Variants in NEMP2 observed in about 807,000 individuals in gnomAD.
The protein encoded by NEMP2 is nuclear envelope integral membrane protein 2.
NEMP2 carries 53 observed loss-of-function variants against 54.2 expected under a neutral mutation model. The observed-to-expected ratio is 0.98, with a 90% CI of 0.78 to 1.23. The LOEUF is 1.23. Among genes scored for constraint, NEMP2 ranks in the 50% most tolerant of loss-of-function variants. The probability of loss-of-function intolerance (pLI) is 0.00; values close to 1 mark genes in which losing one functional copy is unlikely to be tolerated. For synonymous variants in NEMP2, 197 were observed against 190.3 expected, an observed-to-expected ratio of 1.04 and a Z score of -0.29; for missense variants, 455 against 511.3, an observed-to-expected ratio of 0.89 and a Z score of 1.06.
At chr2:190,511,235 T>C (rs1164050586) in intron 7 of NEMP2, among the ~76,000 whole-genome samples, 1 of 152,184 alleles carries the variant, frequency 6.6e-6, no homozygotes, top group Non-Finnish European at 1.5e-5. Flanking sequence ...TGTCCTTTTA[T>C]GCAGACCCTC....
At chr2:190,534,118 T>C in intron 1 of NEMP2, 2 of 988,866 alleles carry the variant, frequency 2.0e-6, no homozygotes, top group Non-Finnish European at 2.4e-6. Context: ...CCTTCTCTAG[T>C]CTTGAGACCA....
chr2:190,497,459 A>G, the NEMP2 span: 2 of 1,613,914 alleles, frequency 1.2e-6, no homozygotes, highest in East Asian at 2.2e-5. The surrounding 1 kb of genome is among the most constrained non-coding windows in gnomAD (Gnocchi z 5.2). Flanking sequence ...GTTGGCAGAA[A>G]GAATTCCTGT....
rs1691062459 is a variant in NEMP2 at position 190,529,396 on chromosome 2, A to G, written c.98-4018T>C. 6.6e-6 allele frequency among the ~76,000 whole-genome samples: 1 copy of G among 151,986 alleles called. No homozygotes were observed. ...CCTCAAGATGCCAGCGAGCCCCCAC[A>G]TAAAGTTTCCTCAGTCTGCTGCAAC... On this transcript the variant is annotated intron_variant, in intron 1 of 8. Transcript: ENST00000409150. This position sits in a 1 kb window ranked among gnomAD's most constrained non-coding sequence, Gnocchi z 4.7.
the NEMP2 span, among the ~76,000 whole-genome samples, chr2:190,474,376 A>C: frequency 6.6e-6 from 1 of 152,232 alleles, no homozygotes; most frequent in African/African-American, 2.4e-5. Flanking sequence ...AAAAATGATA[A>C]AGGGGATATC....
At chr2:190,550,417 C>T in the NEMP2 span, among the ~76,000 whole-genome samples, 1 of 152,124 alleles carries the variant, frequency 6.6e-6, no homozygotes, top group African/African-American at 2.4e-5. The surrounding 1 kb of genome is among the most constrained non-coding windows in gnomAD (Gnocchi z 4.7). Context: ...CCGACAAGGC[C>T]CTACCTCCTA....
chr2:190,464,865 T>C, the NEMP2 span: 1 of 971,012 alleles, frequency 1.0e-6, no homozygotes, highest in African/African-American at 1.8e-5. Flanking sequence ...TAAATGTTTA[T>C]TGAGCAAAAT....
At chr2:190,593,843 T>C in the NEMP2 span, among the ~76,000 whole-genome samples, 1 of 152,248 alleles carries the variant, frequency 6.6e-6, no homozygotes, top group African/African-American at 2.4e-5. The surrounding 1 kb of genome is among the most constrained non-coding windows in gnomAD (Gnocchi z 4.5). Flanking sequence ...CCTTCTTACA[T>C]GGTAGCTTCT....
downstream of NEMP2, among the ~76,000 whole-genome samples, chr2:190,499,664 AT>A (rs1316728118): frequency 6.6e-6 from 1 of 152,230 alleles, no homozygotes; most frequent in Admixed American, 6.5e-5. This position sits in a 1 kb window ranked among gnomAD's most constrained non-coding sequence, Gnocchi z 6.0. Flanking sequence ...AGTTTCAGTT[AT>A]TCCATAGTGC....
the NEMP2 span, among the ~76,000 whole-genome samples, chr2:190,441,737 T>C: frequency 6.6e-6 from 1 of 152,114 alleles, no homozygotes; most frequent in Admixed American, 6.5e-5. Flanking sequence ...TCCTCAGCTC[T>C]AGAGACCTCT....
At chr2:190,634,419 A>G in the NEMP2 span, among the ~76,000 whole-genome samples, 1 of 152,230 alleles carries the variant, frequency 6.6e-6, no homozygotes, top group Non-Finnish European at 1.5e-5. This position sits in a 1 kb window ranked among gnomAD's most constrained non-coding sequence, Gnocchi z 6.8. Context: ...ATTCTGCTAT[A>G]CAAAATAAGA....
chr2:190,427,864 T>C, the NEMP2 span, among the ~76,000 whole-genome samples: 1 of 152,172 alleles, frequency 6.6e-6, no homozygotes, highest in Non-Finnish European at 1.5e-5. Context: ...CCTGAGTAGC[T>C]GGGCTTACAG....
chr2:190,543,706 G>C, the NEMP2 span, among the ~76,000 whole-genome samples: 1 of 152,052 alleles, frequency 6.6e-6, no homozygotes, highest in Non-Finnish European at 1.5e-5. The surrounding 1 kb of genome is among the most constrained non-coding windows in gnomAD (Gnocchi z 4.7). Flanking sequence ...TTGTTTTTGG[G>C]TTTCTGTAGA....
At chr2:190,476,555 C>A in the NEMP2 span, among the ~76,000 whole-genome samples, 1 of 152,190 alleles carries the variant, frequency 6.6e-6, no homozygotes, top group African/African-American at 2.4e-5. Flanking sequence ...CAGGGAACAA[C>A]AGGTGCTGGA....
the NEMP2 span, among the ~76,000 whole-genome samples, chr2:190,442,309 T>C: frequency 7.2e-5 from 11 of 152,070 alleles, no homozygotes; most frequent in African/African-American, 2.2e-4. Context: ...CTCAGATTAG[T>C]AAGATGCAGG....
At chr2:190,608,845 T>G in the NEMP2 span, 2 of 152,218 alleles carry the variant, frequency 1.3e-5, no homozygotes, top group Non-Finnish European at 2.9e-5. This position sits in a 1 kb window ranked among gnomAD's most constrained non-coding sequence, Gnocchi z 4.9. Context: ...TTATTAGTTA[T>G]TATTGTTAAT....
At chr2:190,643,160 G>C in the NEMP2 span, among the ~76,000 whole-genome samples, 1 of 151,078 alleles carries the variant, frequency 6.6e-6, no homozygotes, top group East Asian at 2.0e-4. Context: ...GAATTCAAGA[G>C]AAGTATAACA....
the NEMP2 span, among the ~76,000 whole-genome samples, chr2:190,554,198 G>A: frequency 6.6e-6 from 1 of 152,182 alleles, no homozygotes; most frequent in Non-Finnish European, 1.5e-5. The surrounding 1 kb of genome is among the most constrained non-coding windows in gnomAD (Gnocchi z 5.7). Flanking sequence ...CGTCACCAGG[G>A]CCCTGGGTTT....
chr2:190,556,087 T>A, the NEMP2 span, among the ~76,000 whole-genome samples: 1 of 152,242 alleles, frequency 6.6e-6, no homozygotes, highest in Non-Finnish European at 1.5e-5. Context: ...CATAAAATAC[T>A]GTCAACCCAA....
rs562239394 is a variant in NEMP2, at chr2:190,514,272, G to A, written c.953+181C>T. ...AGCTCTCAACGATTAATGAAGACTAGCCATGAAGATGGGATCAGATGCTTG... is the reference window on the plus strand; with the variant it reads ...AGCTCTCAACGATTAATGAAGACTAACCATGAAGATGGGATCAGATGCTTG... On this transcript the variant is annotated intron_variant, in intron 7 of 8. Transcript: ENST00000409150. The surrounding 1 kb of genome is among the most constrained non-coding windows in gnomAD (Gnocchi z 5.7). Among the ~76,000 whole-genome samples the A allele has an allele frequency of 4.1e-4, 62 of 152,314 alleles. No individual in the cohort carries two copies. Among genetic ancestry groups the A allele is most frequent in the Non-Finnish European group, 6.9e-4 (47 of 68,030 alleles).
Sources: gnomAD v4.1 joint callset for allele counts (sites outside exome capture counted in the v4.1 genomes callset) on GRCh38, gnomAD v4.1.1 for gene constraint, Gnocchi (gnomAD v3.1) non-coding constraint, MANE v1.5 for transcripts, NCBI Gene and HGNC (gene_info 2026-07-23, HGNC 2026-07-21) for gene names.